Variants in SEPTIN11 observed in about 807,000 individuals in gnomAD.
SEPTIN11 encodes septin-11.
In SEPTIN11, 25 loss-of-function variants were observed where a neutral mutation model predicts 51.4. That is an observed-to-expected ratio of 0.49 (90% CI 0.35 to 0.68). The LOEUF is 0.68. SEPTIN11 is among the 30% of genes least tolerant of loss of function. The probability of loss-of-function intolerance (pLI) is 0.00; values close to 1 mark genes in which losing one functional copy is unlikely to be tolerated. For synonymous variants in SEPTIN11, 174 were observed against 184.1 expected, an observed-to-expected ratio of 0.95 and a Z score of 0.44; for missense variants, 381 against 520.8, an observed-to-expected ratio of 0.73 and a Z score of 2.61.
intron 1 of SEPTIN11, among the ~76,000 whole-genome samples, chr4:76,995,118 T>A (rs1330850066): frequency 6.8e-6 from 1 of 147,140 alleles, no homozygotes; most frequent in African/African-American, 2.5e-5. Context: ...GTGTGGTGGC[T>A]CATGCCTGTA....
intron 1 of SEPTIN11, chr4:76,974,956 C>T (rs551319890): frequency 4.7e-6 from 2 of 427,646 alleles, no homozygotes; most frequent in African/African-American, 4.1e-5. Flanking sequence ...GACCCCATCT[C>T]TACTAAAAAT....
intron 1 of SEPTIN11, among the ~76,000 whole-genome samples, chr4:76,985,811 GA>G (rs1444384208): frequency 6.6e-6 from 1 of 152,206 alleles, no homozygotes; most frequent in Non-Finnish European, 1.5e-5. Context: ...ATCTGAAAAT[GA>G]GAAGGTTGGA....
At chr4:76,978,275 TC>T (rs1353496631) in intron 1 of SEPTIN11, among the ~76,000 whole-genome samples, 1 of 152,144 alleles carries the variant, frequency 6.6e-6, no homozygotes, top group Non-Finnish European at 1.5e-5. Flanking sequence ...TGTTCCCACT[TC>T]CCGTAGCTCC....
chr4:76,949,848 C>G lies in SEPTIN11; in HGVS notation c.-56C>G. ...CGAGCCGGAGCCCGAGCACTAGCAG[C>G]AGCCGGAGTCGGCGTAAAGCACCCG... is the stretch of plus-strand genomic sequence containing the variant. On this transcript the variant is annotated 5_prime_UTR_variant, in exon 1 of 10. Coordinates refer to ENST00000264893, the MANE Select transcript of SEPTIN11 (RefSeq NM_018243.4). The G allele has an allele frequency of 6.7e-7, 1 of 1,501,044 alleles. No individual in the cohort carries two copies. The highest frequency in any genetic ancestry group is 8.9e-7 in the Non-Finnish European group (1 of 1,126,710). 93.0% of individuals were successfully genotyped at this position (1,501,044 alleles called of 1,614,324 possible).
chr4:77,039,429 C>T, downstream of SEPTIN11: 2 of 1,034,090 alleles, frequency 1.9e-6, no homozygotes, highest in Non-Finnish European at 2.3e-6. Context: ...GCTGCTGATC[C>T]AAGAACTGAT....
chr4:77,005,941 C>T, intron 3 of SEPTIN11, 145 bp downstream of exon 3: 1 of 698,580 alleles, frequency 1.4e-6, no homozygotes, highest in Non-Finnish European at 2.4e-6. Flanking sequence ...TATTCTTGTC[C>T]TCTGAGAATT....
chr4:77,020,445 A>G (rs1725621639), intron 6 of SEPTIN11, 57 bp from the exon 7 acceptor site: 4 of 1,571,256 alleles, frequency 2.5e-6, no homozygotes, highest in Admixed American at 1.7e-5. Context: ...ATCACTGCAG[A>G]TATTTCAGTG....
chr4:76,956,314 GAA>G lies in SEPTIN11; in HGVS notation c.27+6387_27+6388del, dbSNP rs565690075. Among the ~76,000 whole-genome samples, 289 of 152,324 alleles carry G rather than the reference GAA, an allele frequency of 1.9e-3. 3 individuals carry two copies. The highest frequency in any genetic ancestry group is 6.4e-3 in the African/African-American group (268 of 41,574). On this transcript the variant is annotated intron_variant, in intron 1 of 9. Coordinates refer to ENST00000264893, the MANE Select transcript of SEPTIN11 (RefSeq NM_018243.4). The stretch of plus-strand genomic sequence containing the variant: ...ATACCTGAGAAGTAATATAGAGAAG[GAA>G]AATGAGACAGGAAGAAGTTGTCAGT...
At chr4:77,002,097 G>T (rs189354004) in intron 2 of SEPTIN11, among the ~76,000 whole-genome samples, 1 of 152,292 alleles carries the variant, frequency 6.6e-6, no homozygotes, top group Admixed American at 6.5e-5. Flanking sequence ...GAGTTGCCGT[G>T]TCTAATTACA....
At chr4:76,960,159 C>T (rs557090360) in intron 1 of SEPTIN11, among the ~76,000 whole-genome samples, 10 of 152,310 alleles carry the variant, frequency 6.6e-5, no homozygotes, top group Non-Finnish European at 8.8e-5. Flanking sequence ...ATTCTCCTCA[C>T]GTTTGTCACC....
Position 77,036,608 on chromosome 4 carries a change from T to C in SEPTIN11, c.*2096T>C. The C allele has an allele frequency of 1.4e-6, 2 of 1,454,242 alleles. No individual in the cohort carries two copies. Among genetic ancestry groups the C allele is most frequent in the South Asian group, 1.4e-5 (1 of 71,062 alleles). The allele number at this position is 1,454,242 out of a possible 1,614,324, so 90.1% of individuals were successfully genotyped here. A position where few individuals can be genotyped will look rare whatever the true frequency, so the allele number is the denominator to read the frequency against. On this transcript the variant is annotated 3_prime_UTR_variant, in exon 10 of 10. Coordinates refer to ENST00000264893, the MANE Select transcript of SEPTIN11 (RefSeq NM_018243.4). ...ATTTTTCCCAGCAAAATAAATCATATGGCGAGTCAGGGAATAAAAAGTCAA... is the reference window on the plus strand; with the variant it reads ...ATTTTTCCCAGCAAAATAAATCATACGGCGAGTCAGGGAATAAAAAGTCAA...
chr4:76,956,439 A>G (rs1247561442), intron 1 of SEPTIN11, among the ~76,000 whole-genome samples: 2 of 152,354 alleles, frequency 1.3e-5, no homozygotes, highest in South Asian at 2.1e-4. Flanking sequence ...CAGTCAGTTA[A>G]GCTAAATTAT....
chr4:76,965,523 G>A (rs1024488728), intron 1 of SEPTIN11, among the ~76,000 whole-genome samples: 12 of 150,800 alleles, frequency 8.0e-5, no homozygotes, highest in African/African-American at 2.7e-4. Flanking sequence ...ATTACTGGTG[G>A]TATAATATTA....
At chr4:77,026,624 G>T (rs1726163630) in intron 7 of SEPTIN11, among the ~76,000 whole-genome samples, 1 of 152,154 alleles carries the variant, frequency 6.6e-6, no homozygotes, top group South Asian at 2.1e-4. Context: ...CTCTTTTGGA[G>T]ATCCTTTCTT....
At chr4:77,016,319 T>C (rs993060625) in intron 5 of SEPTIN11, among the ~76,000 whole-genome samples, 2 of 151,476 alleles carry the variant, frequency 1.3e-5, no homozygotes, top group African/African-American at 4.9e-5. Context: ...GGAGGTAGAA[T>C]TGGAACCCAG....
intron 1 of SEPTIN11, among the ~76,000 whole-genome samples, chr4:76,989,896 G>T (rs755432679): frequency 6.6e-6 from 1 of 152,126 alleles, no homozygotes; most frequent in South Asian, 2.1e-4. Flanking sequence ...TGTTCCTGCC[G>T]GTTGGTTTGT....
intron 2 of SEPTIN11, among the ~76,000 whole-genome samples, chr4:76,997,769 T>C (rs1159886080): frequency 1.3e-5 from 2 of 152,218 alleles, no homozygotes; most frequent in Non-Finnish European, 2.9e-5. Context: ...TAAATGCTCA[T>C]TGCAGAGCAG....
chr4:77,003,525 G>C (rs1242862096), intron 2 of SEPTIN11, among the ~76,000 whole-genome samples: 1 of 152,172 alleles, frequency 6.6e-6, no homozygotes, highest in Non-Finnish European at 1.5e-5. Flanking sequence ...AATACTGGCT[G>C]AATGATGGTT....
At chr4:76,979,357 G>T (rs926401922) in intron 1 of SEPTIN11, among the ~76,000 whole-genome samples, 8 of 152,166 alleles carry the variant, frequency 5.3e-5, no homozygotes, top group African/African-American at 1.9e-4. Flanking sequence ...AGGATGAGTA[G>T]GATTTGACAA....
Sources: gnomAD v4.1 joint callset for allele counts (sites outside exome capture counted in the v4.1 genomes callset) on GRCh38, gnomAD v4.1.1 for gene constraint, MANE v1.5 for transcripts, NCBI Gene and HGNC (gene_info 2026-07-23, HGNC 2026-07-21) for gene names.